The following LRRC39 variants were observed in gnomAD, a reference collection of about 807,000 sequenced individuals.
LRRC39 encodes leucine-rich repeat-containing protein 39.
A neutral mutation model predicts 39.7 loss-of-function variants in LRRC39; 35 were observed. The ratio of observed to expected loss-of-function variants is 0.88; its 90% CI spans 0.67 to 1.17. The LOEUF (loss-of-function observed/expected upper bound fraction) is 1.17, where lower values mean the gene tolerates loss of function less well. Among genes scored for constraint, LRRC39 ranks in the 50% most tolerant of loss-of-function variants. LRRC39 has a pLI of 0.00. For missense variants in LRRC39, 357 were observed against 385.8 expected, an observed-to-expected ratio of 0.93 and a Z score of 0.62; for synonymous variants, 113 against 134.1, an observed-to-expected ratio of 0.84 and a Z score of 1.09.
intron 3 of LRRC39, among the ~76,000 whole-genome samples, chr1:100,167,366 G>C (rs1190659268): frequency 6.6e-6 from 1 of 152,102 alleles, no homozygotes; most frequent in African/African-American, 2.4e-5. Flanking sequence ...TTGAGGCTTT[G>C]CATTGACTAT....
chr1:100,173,685 A>AT (rs1659778863), intron 1 of LRRC39, among the ~76,000 whole-genome samples: 1 of 152,190 alleles, frequency 6.6e-6, no homozygotes, highest in Non-Finnish European at 1.5e-5. Flanking sequence ...ACAAAAGGAC[A>AT]TTTTTCATGA....
chr1:100,155,231 T>C, intron 7 of LRRC39, 28 bp from the exon 8 acceptor site: 1 of 1,498,406 alleles, frequency 6.7e-7, no homozygotes, highest in Non-Finnish European at 9.0e-7. Context: ...CTACAATTAA[T>C]TACATATAAT....
At chr1:100,173,641 A>C (rs1369393384) in intron 1 of LRRC39, among the ~76,000 whole-genome samples, 3 of 152,182 alleles carry the variant, frequency 2.0e-5, no homozygotes, top group Non-Finnish European at 4.4e-5. Flanking sequence ...AAGAAAAAGA[A>C]ATAAAAGGCT....
intron 6 of LRRC39, among the ~76,000 whole-genome samples, chr1:100,157,661 C>G (rs1316065631): frequency 6.6e-6 from 1 of 152,102 alleles, no homozygotes; most frequent in African/African-American, 2.4e-5. Context: ...AAGGGAATAG[C>G]CTATTTTATT....
chr1:100,158,399 T>C, intron 5 of LRRC39, 32 bp from the exon 6 acceptor site: 2 of 1,561,514 alleles, frequency 1.3e-6, no homozygotes, highest in Non-Finnish European at 1.8e-6. Flanking sequence ...AGAGAGGAGT[T>C]GGATATAAAA....
intron 8 of LRRC39, among the ~76,000 whole-genome samples, chr1:100,153,494 TCAA>T (rs1255145401): frequency 6.6e-6 from 1 of 151,914 alleles, no homozygotes; most frequent in Non-Finnish European, 1.5e-5. Flanking sequence ...AAAGTAATAA[TCAA>T]CAGTTAATAG....
rs761405899 is a variant in LRRC39, at chr1:100,148,835, G to C, written c.*207C>G. The C allele has an allele frequency of 7.0e-7, 1 of 1,423,990 alleles. No homozygotes were observed. The highest frequency in any genetic ancestry group is 9.2e-7 in the Non-Finnish European group (1 of 1,085,332). 88.2% of individuals were successfully genotyped at this position (1,423,990 alleles called of 1,614,324 possible). ...CAACTGCTTAATGGAAAAGAAATTT[G>C]AGCATCATCTGTCTTCCACCAAAAA... On this transcript the variant is annotated 3_prime_UTR_variant, in exon 10 of 10. Coordinates refer to ENST00000370137, the MANE Select transcript of LRRC39 (RefSeq NM_144620.4).
chr1:100,148,874 A>G lies in LRRC39; in HGVS notation c.*168T>C. The G allele has an allele frequency of 2.5e-6, 3 of 1,177,034 alleles. No homozygotes were observed. The highest frequency in any genetic ancestry group is 2.2e-6 in the Non-Finnish European group (2 of 904,790). 72.9% of individuals were successfully genotyped at this position (1,177,034 alleles called of 1,614,324 possible). On this transcript the variant is annotated 3_prime_UTR_variant, in exon 10 of 10. Transcript: ENST00000370137. ...TTCCACCAAAAAAAATTTTTTAATTATATTTTTATATCAAAAAAATATATA... is the reference window on the plus strand; with the variant it reads ...TTCCACCAAAAAAAATTTTTTAATTGTATTTTTATATCAAAAAAATATATA...
chr1:100,156,175 T>C lies in LRRC39; in HGVS notation c.656A>G (p.Glu219Gly). 2 of 1,612,772 alleles carry C rather than the reference T, an allele frequency of 1.2e-6. No individual in the cohort carries two copies. Among genetic ancestry groups the C allele is most frequent in the Non-Finnish European group, 8.5e-7 (1 of 1,179,416 alleles). Residue 219 changes from glutamate (E) to glycine (G), a missense_variant, in exon 7 of 10, where the codon GAA becomes GGA. By Grantham distance (98) the Glu-to-Gly change is moderately conservative (BLOSUM62 -2). Transcript: ENST00000370137. ...NKLEQLPDTI[E>G]RMQNLHTLWL... The stretch of plus-strand genomic sequence containing the variant: ...CATAAAGAGTTATTTCTTTTACCTT[T>C]CTATAGTATCAGGAAGTTGTTCAAG...
intron 4 of LRRC39, among the ~76,000 whole-genome samples, chr1:100,160,123 C>G (rs145359989): frequency 3.9e-5 from 6 of 152,176 alleles, no homozygotes; most frequent in African/African-American, 1.4e-4. Flanking sequence ...TATTTCCATT[C>G]CATAAAGTTT....
intron 1 of LRRC39, among the ~76,000 whole-genome samples, chr1:100,174,036 A>C (rs1242073674): frequency 2.6e-5 from 4 of 152,194 alleles, no homozygotes; most frequent in African/African-American, 4.8e-5. Flanking sequence ...CAATCTCAAT[A>C]CAAAATTCAT....
intron 2 of LRRC39, among the ~76,000 whole-genome samples, chr1:100,171,811 C>A (rs938436776): frequency 1.3e-5 from 2 of 151,708 alleles, no homozygotes; most frequent in African/African-American, 4.8e-5. Flanking sequence ...ATCCATGAAA[C>A]ACACTTCTAA....
intron 8 of LRRC39, 50 bp from the exon 9 acceptor site, chr1:100,152,574 C>CACCT: frequency 1.3e-6 from 2 of 1,572,954 alleles, no homozygotes; most frequent in Non-Finnish European, 1.7e-6. Flanking sequence ...TGGAAGTGTA[C>CACCT]ATTTATTTCC....
intron 6 of LRRC39, among the ~76,000 whole-genome samples, chr1:100,157,931 C>T (rs1170418525): frequency 6.6e-6 from 1 of 152,176 alleles, no homozygotes; most frequent in South Asian, 2.1e-4. Flanking sequence ...TTTAAGTAAT[C>T]ACTACAACCT....
chr1:100,160,274 A>T (rs1301432717), intron 4 of LRRC39, among the ~76,000 whole-genome samples, 192 bp downstream of exon 4: 1 of 152,220 alleles, frequency 6.6e-6, no homozygotes. Context: ...GGGTTGAAGC[A>T]AACTGAACTT....
At position 100,159,405 on chromosome 1, in the gene LRRC39, G is replaced by A. The variant is rs201723295; in HGVS notation, c.230C>T (p.Ser77Phe). ...IEKEEWKTLP[S>F]SLLKLNQLQE... The stretch of plus-strand genomic sequence containing the variant: ...TAGTTGATTCAGTTTCAGCAGAGAA[G>A]AAGGGAGGGTCTACAGTAAAAGAAA... The change falls in exon 5 of 10, where the codon TCT becomes TTT. Residue 77 changes from serine (S) to phenylalanine (F), a missense_variant. Coordinates refer to ENST00000370137, the MANE Select transcript of LRRC39 (RefSeq NM_144620.4). 2.3e-4 allele frequency: 369 copies of A among 1,606,130 alleles called. No homozygotes were observed. The highest frequency in any genetic ancestry group is 1.0e-3 in the Middle Eastern group (6 of 6,026).
chr1:100,175,361 T>C (rs899197966), intron 1 of LRRC39, among the ~76,000 whole-genome samples: 4 of 151,238 alleles, frequency 2.6e-5, no homozygotes, highest in African/African-American at 9.7e-5. Context: ...TTTTTTTTTT[T>C]TTTTTTGGTA....
At position 100,158,284 on chromosome 1, in the gene LRRC39, A is replaced by G. The variant is rs148373673; in HGVS notation, c.460T>C (p.Leu154=). ...TTAACAGCCAGTTCTAGTTTCTCCA[A>G]GCTGGCACAATTACTTAGTTCCTTG... ...VPKELSNCAS[L]EKLELAVNRD... The change falls in exon 6 of 10, where the codon TTG becomes CTG. Residue 154 remains leucine, a synonymous_variant. Transcript: ENST00000370137. 1.7e-5 allele frequency: 27 copies of G among 1,613,964 alleles called. No individual in the cohort carries two copies. The African/African-American group carries it at 3.5e-4, about 21-fold the overall frequency.
At chr1:100,171,307 C>G (rs1404939723) in intron 2 of LRRC39, among the ~76,000 whole-genome samples, 2 of 151,948 alleles carry the variant, frequency 1.3e-5, no homozygotes, top group Non-Finnish European at 2.9e-5. Context: ...TTAAAAAACA[C>G]ATGGAAGAGT....
Sources: gnomAD v4.1 joint callset for allele counts (sites outside exome capture counted in the v4.1 genomes callset) on GRCh38, gnomAD v4.1.1 for gene constraint, MANE v1.5 for transcripts, NCBI Gene and HGNC (gene_info 2026-07-23, HGNC 2026-07-21) for gene names.